SCHIP1: variants seen among roughly 807,000 people sequenced by gnomAD.
SCHIP1 encodes the protein schwannomin-interacting protein 1.
Under a neutral mutation model 29.7 loss-of-function variants are expected in SCHIP1, and 8 were observed. The ratio of observed to expected loss-of-function variants is 0.27; its 90% CI spans 0.16 to 0.49. The LOEUF is 0.49. Ranked by LOEUF, SCHIP1 falls within the 20% of genes least tolerant of loss-of-function variation. The probability of loss-of-function intolerance (pLI) is 0.99; values close to 1 mark genes in which losing one functional copy is unlikely to be tolerated. For synonymous variants in SCHIP1, 76 were observed against 94.9 expected, an observed-to-expected ratio of 0.80 and a Z score of 1.16; for missense variants, 193 against 294.6, an observed-to-expected ratio of 0.66 and a Z score of 2.52.
chr3:159,391,506 C>T, the SCHIP1 span, among the ~76,000 whole-genome samples: 2 of 152,010 alleles, frequency 1.3e-5, no homozygotes, highest in African/African-American at 4.8e-5. Flanking sequence ...TGCCTGAAAG[C>T]AATTAAGTTT....
At chr3:159,708,650 C>G in the SCHIP1 span, among the ~76,000 whole-genome samples, 1 of 152,136 alleles carries the variant, frequency 6.6e-6, no homozygotes, top group East Asian at 1.9e-4. Flanking sequence ...TTTTATGAAA[C>G]CTTCACACAT....
chr3:159,635,893 G>T, the SCHIP1 span, among the ~76,000 whole-genome samples: 1 of 152,134 alleles, frequency 6.6e-6, no homozygotes, highest in Non-Finnish European at 1.5e-5. Context: ...TGTCTTAATA[G>T]ATATTTGGGA....
the SCHIP1 span, among the ~76,000 whole-genome samples, chr3:159,626,230 C>A: frequency 0.013 from 1,064 of 80,080 alleles, 76 homozygotes; most frequent in African/African-American, 0.078. Context: ...ATATATATAT[C>A]TAGATATATC....
At chr3:159,289,403 G>C in the SCHIP1 span, among the ~76,000 whole-genome samples, 175 of 110,608 alleles carry the variant, frequency 1.6e-3, no homozygotes, top group African/African-American at 6.5e-3. Context: ...AACACATAAA[G>C]CTCTTATTTA....
chr3:159,410,396 A>G, the SCHIP1 span, among the ~76,000 whole-genome samples: 1 of 152,076 alleles, frequency 6.6e-6, no homozygotes, highest in Non-Finnish European at 1.5e-5. Flanking sequence ...GGGATTAATA[A>G]CCATAATATA....
At chr3:159,805,802 G>T in the SCHIP1 span, among the ~76,000 whole-genome samples, 6 of 147,276 alleles carry the variant, frequency 4.1e-5, no homozygotes, top group African/African-American at 1.5e-4. Flanking sequence ...CAGCTTAATT[G>T]TACTCCTTTT....
the SCHIP1 span, among the ~76,000 whole-genome samples, chr3:159,681,897 G>C: frequency 6.8e-6 from 1 of 147,142 alleles, no homozygotes; most frequent in African/African-American, 2.6e-5. Flanking sequence ...GGTTAACTTG[G>C]GTTAACTCAA....
At chr3:159,418,941 G>A in the SCHIP1 span, among the ~76,000 whole-genome samples, 1 of 152,210 alleles carries the variant, frequency 6.6e-6, no homozygotes, top group Admixed American at 6.5e-5. Context: ...TTTATGTACT[G>A]TGTGGGTTTA....
At chr3:159,779,799 A>C in the SCHIP1 span, among the ~76,000 whole-genome samples, 1 of 152,098 alleles carries the variant, frequency 6.6e-6, no homozygotes, top group Non-Finnish European at 1.5e-5. Context: ...TATATTGTGG[A>C]TTGTGATAGC....
At position 159,861,834 on chromosome 3, in the gene SCHIP1, A is replaced by G. The variant is rs372832820; in HGVS notation, c.31-4329A>G. ...AGTGCAGCCAGACAGTGGTGTTTTG[A>G]GTCAGCCTCTTCCTTTTCCTGTACC... is the stretch of plus-strand genomic sequence containing the variant. On this transcript the variant is annotated intron_variant, in intron 1 of 6. Transcript: ENST00000445224. The surrounding 1 kb of genome is among the most constrained non-coding windows in gnomAD (Gnocchi z 4.1). Among the ~76,000 whole-genome samples the G allele has an allele frequency of 3.0e-4, 45 of 152,242 alleles. No individual in the cohort carries two copies. The South Asian group carries it at 5.8e-3, about 20-fold the overall frequency.
At chr3:159,770,532 T>C in the SCHIP1 span, among the ~76,000 whole-genome samples, 1 of 152,230 alleles carries the variant, frequency 6.6e-6, no homozygotes, top group African/African-American at 2.4e-5. Context: ...GTGCTGGGAT[T>C]ACAGGTGTGA....
chr3:159,468,762 T>TAATATATAATATA, the SCHIP1 span, among the ~76,000 whole-genome samples: 1 of 122,070 alleles, frequency 8.2e-6, no homozygotes, highest in Admixed American at 8.5e-5. Flanking sequence ...ATATAATATA[T>TAATATATAATATA]ATATATATAT....
intron 2 of SCHIP1, among the ~76,000 whole-genome samples, chr3:159,878,287 G>C (rs1716051897): frequency 2.0e-5 from 3 of 151,752 alleles, no homozygotes; most frequent in Admixed American, 2.0e-4. Flanking sequence ...GGACCAGCCT[G>C]GCCAACATGG....
the SCHIP1 span, among the ~76,000 whole-genome samples, chr3:159,315,424 T>G: frequency 6.7e-6 from 1 of 150,070 alleles, no homozygotes; most frequent in African/African-American, 2.4e-5. Context: ...GAGACAGGGT[T>G]TCACTGTGTT....
At chr3:159,370,600 T>C in the SCHIP1 span, among the ~76,000 whole-genome samples, 1 of 152,302 alleles carries the variant, frequency 6.6e-6, no homozygotes, top group East Asian at 1.9e-4. Context: ...TCTTTCTGAG[T>C]GAGTAGACTG....
the SCHIP1 span, among the ~76,000 whole-genome samples, chr3:159,700,556 G>A: frequency 1.3e-5 from 2 of 152,004 alleles, no homozygotes; most frequent in East Asian, 1.9e-4. Context: ...ATGGTGGCTC[G>A]TGCCTGTAAT....
the SCHIP1 span, among the ~76,000 whole-genome samples, chr3:159,550,437 G>A: frequency 6.6e-6 from 1 of 151,938 alleles, no homozygotes; most frequent in East Asian, 1.9e-4. Flanking sequence ...CCAAAGAATA[G>A]TTCTTTTAAT....
chr3:159,557,540 G>A, the SCHIP1 span, among the ~76,000 whole-genome samples: 1 of 152,182 alleles, frequency 6.6e-6, no homozygotes, highest in Non-Finnish European at 1.5e-5. Flanking sequence ...TTTTGGCTGG[G>A]CATGCTGGCT....
intron 1 of SCHIP1, among the ~76,000 whole-genome samples, chr3:159,852,742 GA>G (rs373490093): frequency 9.9e-5 from 15 of 152,270 alleles, no homozygotes; most frequent in African/African-American, 3.6e-4. Flanking sequence ...GCTCCTACCA[GA>G]TGAGACTTTT....
Sources: allele counts gnomAD v4.1 joint callset (sites outside exome capture counted in the v4.1 genomes callset), GRCh38; gene constraint gnomAD v4.1.1; non-coding constraint Gnocchi (gnomAD v3.1); transcripts MANE v1.5; gene names NCBI Gene and HGNC (gene_info 2026-07-23, HGNC 2026-07-21).